USP6: variants seen among roughly 807,000 people sequenced by gnomAD.
USP6 encodes ubiquitin carboxyl-terminal hydrolase 6.
USP6 carries 128 observed loss-of-function variants against 175.7 expected under a neutral mutation model. The observed-to-expected ratio is 0.73, with a 90% confidence interval of 0.63 to 0.84. The LOEUF (loss-of-function observed/expected upper bound fraction) is 0.84. Among genes scored for constraint, USP6 ranks in the 40% least tolerant of loss-of-function variants. USP6 has a pLI of 0.00. For synonymous variants in USP6, 562 were observed against 630.6 expected (o/e 0.89, Z 1.63); for missense variants, 1,498 against 1,760.3 (o/e 0.85, Z 2.67).
chr17:5,165,861 A>C (rs1185441362), intron 33 of USP6, among the ~76,000 whole-genome samples: 1 of 152,314 alleles, frequency 6.6e-6, no homozygotes. Flanking sequence ...AATTACTGTC[A>C]GTACAGTCCA....
chr17:5,136,334 C>T (rs2073252807), intron 17 of USP6, among the ~76,000 whole-genome samples: 1 of 152,238 alleles, frequency 6.6e-6, no homozygotes, highest in Non-Finnish European at 1.5e-5. Flanking sequence ...CTGGCCCGAC[C>T]CCACTTCCAG....
At chr17:5,138,910 A>G in intron 21 of USP6, 1 of 1,062,644 alleles carries the variant, frequency 9.4e-7, no homozygotes, top group Non-Finnish European at 1.3e-6. Context: ...TGAGGTGGCA[A>G]GGAGCTGGGT....
At chr17:5,159,149 C>G (rs1424001382) in intron 31 of USP6, among the ~76,000 whole-genome samples, 2 of 152,038 alleles carry the variant, frequency 1.3e-5, no homozygotes, top group Non-Finnish European at 2.9e-5. Context: ...GGTAAAGAGG[C>G]AAGTGAGGAT....
At position 5,170,843 on chromosome 17, in the gene USP6, T is replaced by C. The variant is rs962215204; in HGVS notation, c.3882T>C (p.Ser1294=). The change falls in exon 36 of 38, where the codon AGT becomes AGC. Residue 1294 remains serine, a synonymous_variant. Transcript: ENST00000574788. ...GYSNGQLGNH[S]EEDSTDDQRE... ...GCAATGGTCAGCTTGGAAACCACAGTGAAGAAGACAGCACTGATGACCAAA... is the reference window on the plus strand; with the variant it reads ...GCAATGGTCAGCTTGGAAACCACAGCGAAGAAGACAGCACTGATGACCAAA... 1 of 1,613,044 alleles carries C rather than the reference T, an allele frequency of 6.2e-7. No homozygotes were observed. Among genetic ancestry groups the C allele is most frequent in the Non-Finnish European group, 8.5e-7 (1 of 1,179,866 alleles).
intron 33 of USP6, among the ~76,000 whole-genome samples, chr17:5,166,449 A>G (rs1031860877): frequency 1.3e-5 from 2 of 152,114 alleles, no homozygotes; most frequent in Non-Finnish European, 2.9e-5. Flanking sequence ...AGCTGTGCCA[A>G]TTTGTATTCC....
intron 30 of USP6, among the ~76,000 whole-genome samples, chr17:5,151,565 C>T (rs1259120840): frequency 1.3e-5 from 2 of 151,926 alleles, no homozygotes; most frequent in East Asian, 3.9e-4. Context: ...AGGATATCAT[C>T]AAGATTGGAT....
chr17:5,124,046 C>T (rs779928183), intron 4 of USP6, among the ~76,000 whole-genome samples: 6 of 152,210 alleles, frequency 3.9e-5, no homozygotes, highest in East Asian at 1.9e-4. Flanking sequence ...TACCAGGACA[C>T]GGAGTCACAC....
rs530184189 is a variant in USP6, at chr17:5,170,684, C to T, written c.3723C>T (p.Asp1241=). ...NGAGQICELA[D]ALSRGHMRGG... is the part of the protein sequence containing the mutation. ...CTGGGCAGATCTGTGAGCTGGCTGA[C>T]GCCTTGAGCCGAGGGCATATGCGGG... The change falls in exon 36 of 38, where the codon GAC becomes GAT. Residue 1241 remains aspartate (D), a synonymous_variant. Transcript: ENST00000574788. 70 of 1,613,932 alleles carry T rather than the reference C, an allele frequency of 4.3e-5. 1 individual carries two copies. The highest frequency in any genetic ancestry group is 3.8e-4 in the East Asian group (17 of 44,878).
chr17:5,124,158 GGT>G (rs142948911), intron 4 of USP6, among the ~76,000 whole-genome samples: 370 of 152,296 alleles, frequency 2.4e-3, no homozygotes, highest in Non-Finnish European at 4.1e-3. Context: ...CATACTCTCA[GGT>G]CACATAAACA....
At chr17:5,142,585 G>C in intron 25 of USP6, 83 bp downstream of exon 25, 1 of 1,483,030 alleles carries the variant, frequency 6.7e-7, no homozygotes, top group Non-Finnish European at 9.0e-7. Context: ...TTTGTGTTTA[G>C]CCTTTTAGCT....
Position 5,154,336 on chromosome 17 carries a change from T to C in USP6, c.2644-1086T>C, listed in dbSNP as rs1372331495. Among the ~76,000 whole-genome samples, 3 of 152,156 alleles carry C rather than the reference T, an allele frequency of 2.0e-5. No homozygotes were observed. In the East Asian group the frequency reaches 5.8e-4, roughly 29 times the overall value. On this transcript the variant is annotated intron_variant, in intron 30 of 37. Transcript: ENST00000574788. ...ATTACTCAATAAATACCAAACTTCT[T>C]AGAGAATTAAATATTCAAAGGTTCA...
intron 14 of USP6, 83 bp downstream of exon 14, chr17:5,133,633 C>CCG: frequency 3.0e-6 from 2 of 670,534 alleles, no homozygotes; most frequent in Non-Finnish European, 5.3e-6. Flanking sequence ...CAAGCCCACC[C>CCG]TGGGGTGGGG....
At position 5,172,876 on chromosome 17, in the gene USP6, C is replaced by T. The variant is rs151003139; in HGVS notation, c.4119C>T (p.Tyr1373=). 50 of 1,613,850 alleles carry T rather than the reference C, an allele frequency of 3.1e-5. No homozygotes were observed. Among genetic ancestry groups the T allele is most frequent in the African/African-American group, 2.7e-5 (2 of 74,920 alleles). Residue 1373 remains tyrosine (Y), a synonymous_variant, in exon 38 of 38, where the codon TAC becomes TAT. Transcript: ENST00000574788. ...ILFYEQQGID[Y]AQFLPKIDGK... is the part of the protein sequence containing the mutation. The stretch of plus-strand genomic sequence containing the variant: ...TCTATGAGCAGCAGGGGATAGACTA[C>T]GCACAATTTCTGCCAAAGATTGATG...
chr17:5,172,354 AC>A, intron 37 of USP6, among the ~76,000 whole-genome samples: 1 of 150,864 alleles, frequency 6.6e-6, no homozygotes, highest in East Asian at 2.0e-4. Context: ...ATATGGTGAA[AC>A]CCCATCTCTA....
intron 15 of USP6, chr17:5,134,669 G>A (rs982465130): frequency 8.5e-5 from 15 of 176,744 alleles, no homozygotes; most frequent in Non-Finnish European, 1.6e-4. Flanking sequence ...AAAAGGGAAC[G>A]AGCCAGTGAT....
intron 27 of USP6, 32 bp downstream of exon 27, chr17:5,145,611 T>G: frequency 6.5e-7 from 1 of 1,537,778 alleles, no homozygotes; most frequent in South Asian, 1.3e-5. Flanking sequence ...AATTACTTGA[T>G]TCCATTAAAT....
In USP6 at chr17:5,132,831, A is replaced by G. The variant is rs1167341297; in HGVS notation, c.196-79A>G. The G allele has an allele frequency of 4.5e-6, 7 of 1,539,168 alleles. No homozygotes were observed. The highest frequency in any genetic ancestry group is 2.2e-5 in the East Asian group (1 of 44,514). ...TCCAGTTGGGTCCCACCAGGGCTCC[A>G]GAGCCCAAGACTCAGCATCCATGGG... On this transcript the variant is annotated intron_variant, in intron 12 of 37. Coordinates refer to ENST00000574788, the MANE Select transcript of USP6 (RefSeq NM_001304284.2). The surrounding 1 kb of genome is among the most constrained non-coding windows in gnomAD (Gnocchi z 4.7).
intron 33 of USP6, among the ~76,000 whole-genome samples, chr17:5,166,816 CCTT>C (rs746590453): frequency 6.6e-6 from 1 of 151,860 alleles, no homozygotes; most frequent in Non-Finnish European, 1.5e-5. Context: ...TTCCTTCTCT[CCTT>C]CTTCATTCTA....
In USP6 at chr17:5,132,443, C is replaced by A; in HGVS notation, c.195+8C>A. The A allele has an allele frequency of 6.2e-7, 1 of 1,612,088 alleles. No homozygotes were observed. The highest frequency in any genetic ancestry group is 8.5e-7 in the Non-Finnish European group (1 of 1,179,844). On this transcript the variant is annotated splice_region_variant and intron_variant, in intron 12 of 37. Coordinates refer to ENST00000574788, the MANE Select transcript of USP6 (RefSeq NM_001304284.2). The surrounding 1 kb of genome is among the most constrained non-coding windows in gnomAD (Gnocchi z 4.7). ...ACTGCACGGGAGGCGAAGGTAAGAGCCTGATGCGTGGAGGGGCTGGTCCAG... is the reference window on the plus strand; with the variant it reads ...ACTGCACGGGAGGCGAAGGTAAGAGACTGATGCGTGGAGGGGCTGGTCCAG...
Sources: gnomAD v4.1 joint callset for allele counts (sites outside exome capture counted in the v4.1 genomes callset) on GRCh38, gnomAD v4.1.1 for gene constraint, Gnocchi (gnomAD v3.1) non-coding constraint, MANE v1.5 for transcripts, NCBI Gene and HGNC (gene_info 2026-07-23, HGNC 2026-07-21) for gene names.